The following PIP5K1A variants were observed in gnomAD, a reference collection of about 807,000 sequenced individuals.
PIP5K1A encodes phosphatidylinositol-4-phosphate 5-kinase type 1 alpha.
A neutral mutation model predicts 72.9 loss-of-function variants in PIP5K1A; 46 were observed. The observed-to-expected ratio is 0.63, with a 90% confidence interval of 0.50 to 0.81. The LOEUF (loss-of-function observed/expected upper bound fraction) is 0.81. PIP5K1A is among the 30% of genes least tolerant of loss of function. The probability of loss-of-function intolerance (pLI) is 0.00; values close to 1 mark genes in which losing one functional copy is unlikely to be tolerated. For synonymous variants in PIP5K1A, 228 were observed against 255.1 expected (o/e 0.89, Z 1.01); for missense variants, 458 against 706.1 (o/e 0.65, Z 3.98).
rs369523470 is a variant in PIP5K1A, at chr1:151,236,821, C to CTTTTTTTTTTT, written c.1145+70_1145+80dup. On this transcript the variant is annotated intron_variant, in intron 9 of 15. Transcript: ENST00000368888. ...CATAGGCCCACAGCACTTTTCTTTT[C>CTTTTTTTTTTT]TTTTTTTTTTTTTTTTTTTTTTAGT... The CTTTTTTTTTTT allele has an allele frequency of 2.7e-4, 136 of 498,720 alleles. 3 individuals are homozygous for CTTTTTTTTTTT. Among genetic ancestry groups the CTTTTTTTTTTT allele is most frequent in the African/African-American group, 6.3e-4 (23 of 36,328 alleles). The allele number at this position is 498,720 out of a possible 1,614,324, so 30.9% of individuals were successfully genotyped here.
At position 151,198,614 on chromosome 1, in the gene PIP5K1A, G is replaced by C; in HGVS notation, c.-383G>C. ...TTGGGCGATTAACAGGCCGTGGTTA[G>C]GAAGGACGGAGAAGGGGCGTTCGCT... On this transcript the variant is annotated 5_prime_UTR_variant, in exon 1 of 16. Coordinates refer to ENST00000368888, the MANE Select transcript of PIP5K1A (RefSeq NM_001135638.2). 1 of 227,462 alleles carries C rather than the reference G, an allele frequency of 4.4e-6. No individual in the cohort carries two copies. Among genetic ancestry groups the C allele is most frequent in the Non-Finnish European group, 8.8e-6 (1 of 113,342 alleles). 14.1% of individuals were successfully genotyped at this position (227,462 alleles called of 1,614,324 possible). A position where few individuals can be genotyped will look rare whatever the true frequency, so the allele number is the denominator to read the frequency against.
intron 3 of PIP5K1A, among the ~76,000 whole-genome samples, chr1:151,226,328 A>G (rs140020162): frequency 0.03 from 4,569 of 151,748 alleles, 107 homozygotes; most frequent in Non-Finnish European, 0.05. Context: ...CTCGTGATCC[A>G]CTTGCCTCCA....
At chr1:151,244,179 G>GA (rs587631659) in intron 14 of PIP5K1A, among the ~76,000 whole-genome samples, 3,085 of 103,884 alleles carry the variant, frequency 0.03, 106 homozygotes, top group Admixed American at 0.1. Context: ...AAAAAATACT[G>GA]AAAAAAAAAA....
intron 4 of PIP5K1A, among the ~76,000 whole-genome samples, chr1:151,230,363 T>C (rs1406754572): frequency 2.6e-5 from 4 of 152,230 alleles, no homozygotes; most frequent in Non-Finnish European, 4.4e-5. Context: ...GCTACTGTTA[T>C]CAGACAGCAA....
At chr1:151,214,206 G>A (rs1208538988) in intron 1 of PIP5K1A, among the ~76,000 whole-genome samples, 2 of 152,190 alleles carry the variant, frequency 1.3e-5, no homozygotes, top group East Asian at 3.9e-4. Flanking sequence ...TGGGATCTAT[G>A]CAATTATAGT....
At chr1:151,240,281 T>C (rs1011045186) in intron 12 of PIP5K1A, 8 of 486,370 alleles carry the variant, frequency 1.6e-5, no homozygotes, top group East Asian at 4.0e-5. Context: ...TTCTGGGGAA[T>C]TGGGATTTGC....
chr1:151,207,607 C>T (rs1686118342), intron 1 of PIP5K1A, among the ~76,000 whole-genome samples: 1 of 150,906 alleles, frequency 6.6e-6, no homozygotes, highest in East Asian at 1.9e-4. Context: ...TCTCGGCTCA[C>T]TGTGACCTCT....
In PIP5K1A at chr1:151,209,437, A is replaced by ATT. The variant is rs34643257; in HGVS notation, c.85+10374_85+10375dup. ...AGGCGCGTGCCACCATGCCTGGCTA[A>ATT]TTTTTTTTTTTTTTTTTTTGAGATG... On this transcript the variant is annotated intron_variant, in intron 1 of 15. Transcript: ENST00000368888. Among the ~76,000 whole-genome samples the ATT allele has an allele frequency of 4.9e-3, 575 of 118,172 alleles. 5 individuals carry two copies. The highest frequency in any genetic ancestry group is 0.014 in the African/African-American group (441 of 31,122). The allele number at this position is 118,172 out of a possible 152,430, so 77.5% of individuals were successfully genotyped here.
At chr1:151,236,816 C>CTTTTA in intron 9 of PIP5K1A, 53 bp downstream of exon 9, 5 of 500,210 alleles carry the variant, frequency 1.0e-5, no homozygotes, top group Non-Finnish European at 1.5e-5. Context: ...CAGCACTTTT[C>CTTTTA]TTTTCTTTTT....
At position 151,249,409 on chromosome 1, in the gene PIP5K1A, G is replaced by A. The variant is rs1456706498; in HGVS notation, c.*1544G>A. 6 of 152,056 alleles carry A rather than the reference G, an allele frequency of 3.9e-5. No individual in the cohort carries two copies. The highest frequency in any genetic ancestry group is 8.8e-5 in the Non-Finnish European group (6 of 68,024). 9.4% of individuals were successfully genotyped at this position (152,056 alleles called of 1,614,324 possible). ...AGGGCTGGGTCTTAGGGAAAGGAATGGGGAAGCAACATTTTTATTAAGTGT... is the reference window on the plus strand; with the variant it reads ...AGGGCTGGGTCTTAGGGAAAGGAATAGGGAAGCAACATTTTTATTAAGTGT... On this transcript the variant is annotated 3_prime_UTR_variant, in exon 16 of 16. Coordinates refer to ENST00000368888, the MANE Select transcript of PIP5K1A (RefSeq NM_001135638.2).
intron 1 of PIP5K1A, among the ~76,000 whole-genome samples, chr1:151,201,786 C>CGGGAG (rs1414089905): frequency 6.6e-6 from 1 of 151,752 alleles, no homozygotes; most frequent in Admixed American, 6.6e-5. Flanking sequence ...TGCTTGAACC[C>CGGGAG]GGGAGGCAGA....
intron 3 of PIP5K1A, among the ~76,000 whole-genome samples, chr1:151,226,704 ACT>A (rs1287609910): frequency 2.4e-4 from 28 of 117,804 alleles, no homozygotes; most frequent in African/African-American, 8.8e-4. Flanking sequence ...CACAAGCGAA[ACT>A]CTGTCTCAAA....
intron 1 of PIP5K1A, chr1:151,199,319 T>G: frequency 1.3e-6 from 1 of 754,842 alleles, no homozygotes; most frequent in East Asian, 2.9e-5. Context: ...AGATTGAAGG[T>G]GGGGGTAGGG....
At chr1:151,232,991 T>G (rs1299141239) in intron 7 of PIP5K1A, among the ~76,000 whole-genome samples, 1 of 150,574 alleles carries the variant, frequency 6.6e-6, no homozygotes, top group African/African-American at 2.4e-5. Context: ...TCCCAGCTAC[T>G]CAGGAGGCTG....
intron 1 of PIP5K1A, among the ~76,000 whole-genome samples, chr1:151,200,025 A>G (rs1684998357): frequency 6.6e-6 from 1 of 152,102 alleles, no homozygotes; most frequent in African/African-American, 2.4e-5. Context: ...AAACTGCCCA[A>G]CTTTGGGAAG....
At chr1:151,209,903 G>A (rs1291174430) in intron 1 of PIP5K1A, among the ~76,000 whole-genome samples, 2 of 151,462 alleles carry the variant, frequency 1.3e-5, no homozygotes. Context: ...TTTCTGAGAT[G>A]GAGTCTTGCT....
Position 151,198,747 on chromosome 1 carries a change from C to T in PIP5K1A, c.-250C>T, listed in dbSNP as rs2101767550. ...CTCTTCTGTGAAAGGGGAAAGTATC[C>T]CCTGTGGAAAGCGGTTAAACTTGTG... On this transcript the variant is annotated 5_prime_UTR_variant, in exon 1 of 16. Transcript: ENST00000368888. 3.4e-6 allele frequency: 2 copies of T among 579,976 alleles called. No homozygotes were observed. The highest frequency in any genetic ancestry group is 2.8e-5 in the East Asian group (1 of 35,296). 35.9% of individuals were successfully genotyped at this position (579,976 alleles called of 1,614,324 possible). A position where few individuals can be genotyped will look rare whatever the true frequency, so the allele number is the denominator to read the frequency against.
chr1:151,199,128 T>C (rs771599227), intron 1 of PIP5K1A, 47 bp downstream of exon 1: 1 of 1,613,116 alleles, frequency 6.2e-7, no homozygotes, highest in South Asian at 1.1e-5. Context: ...GAATATGCGA[T>C]GGGAGGAAGA....
chr1:151,239,038 T>C lies in PIP5K1A; in HGVS notation c.1230-92T>C. On this transcript the variant is annotated intron_variant, in intron 10 of 15. Coordinates refer to ENST00000368888, the MANE Select transcript of PIP5K1A (RefSeq NM_001135638.2). ...TCTCAGCTTCTGTCTTTTCAAGATT[T>C]TCTATTACCCCTTTAACCCCCTAAA... 17 of 882,340 alleles carry C rather than the reference T, an allele frequency of 1.9e-5. 1 individual carries two copies. In the South Asian group the frequency reaches 2.1e-4, roughly 11 times the overall value. 54.7% of individuals were successfully genotyped at this position (882,340 alleles called of 1,614,324 possible).
Sources: gnomAD v4.1 joint callset for allele counts (sites outside exome capture counted in the v4.1 genomes callset) on GRCh38, gnomAD v4.1.1 for gene constraint, MANE v1.5 for transcripts, NCBI Gene and HGNC (gene_info 2026-07-23, HGNC 2026-07-21) for gene names.